The following MYO10 variants were observed in gnomAD, a reference collection of about 807,000 sequenced individuals.
MYO10 encodes the protein myosin X.
In MYO10, 133 loss-of-function variants were observed where a neutral mutation model predicts 257.3. That is an observed-to-expected ratio of 0.52 (90% CI 0.45 to 0.60). MYO10 has a LOEUF of 0.60. Ranked by LOEUF, MYO10 falls within the 20% of genes least tolerant of loss-of-function variation. MYO10 has a pLI of 0.00. For synonymous variants in MYO10, 1,104 were observed against 1,028.6 expected (o/e 1.07, Z -1.40); for missense variants, 2,399 against 2,635.7 (o/e 0.91, Z 1.97).
chr5:16,719,496 TCAAATA>T (rs1330856354), intron 19 of MYO10, among the ~76,000 whole-genome samples: 1 of 152,194 alleles, frequency 6.6e-6, no homozygotes, highest in Non-Finnish European at 1.5e-5. Flanking sequence ...ATAACAAATA[TCAAATA>T]CAGTGTGACA....
chr5:16,766,588 C>A (rs1230651177), intron 10 of MYO10, among the ~76,000 whole-genome samples: 2 of 151,886 alleles, frequency 1.3e-5, no homozygotes, highest in East Asian at 3.9e-4. Context: ...CGCTACCACG[C>A]CTGGCTAATT....
intron 1 of MYO10, among the ~76,000 whole-genome samples, chr5:16,922,630 C>T (rs923056451): frequency 2.6e-5 from 4 of 152,232 alleles, no homozygotes; most frequent in Admixed American, 6.5e-5. Context: ...CCATGGTCAC[C>T]GTCTTCAGGA....
At chr5:16,759,651 C>T (rs1740640249) in intron 17 of MYO10, among the ~76,000 whole-genome samples, 2 of 152,284 alleles carry the variant, frequency 1.3e-5, no homozygotes, top group Admixed American at 6.5e-5. Flanking sequence ...AACTCCACCT[C>T]GCTGGTCTCC....
rs142590373 is a variant in MYO10 at position 16,871,230 on chromosome 5, T to C, written c.120+6379A>G. On this transcript the variant is annotated intron_variant, in intron 2 of 40. Coordinates refer to ENST00000513610, the MANE Select transcript of MYO10 (RefSeq NM_012334.3). ...CAATATCTTAACATACCAAGCTGGG[T>C]CAAAATTAACCAATTTCCTTTAAAG... Among the ~76,000 whole-genome samples, 697 of 152,262 alleles carry C rather than the reference T, an allele frequency of 4.6e-3. 3 individuals are homozygous for C. Among genetic ancestry groups the C allele is most frequent in the African/African-American group, 0.016 (659 of 41,544 alleles).
At chr5:16,781,265 C>T (rs567496417) in intron 6 of MYO10, among the ~76,000 whole-genome samples, 5 of 151,732 alleles carry the variant, frequency 3.3e-5, no homozygotes, top group East Asian at 2.0e-4. Flanking sequence ...TTTTTAGTAT[C>T]GGTGGGGTTT....
At chr5:16,825,756 T>C (rs1418055701) in intron 2 of MYO10, among the ~76,000 whole-genome samples, 1 of 152,086 alleles carries the variant, frequency 6.6e-6, no homozygotes, top group Non-Finnish European at 1.5e-5. Context: ...GGCTGAGGCA[T>C]GAGAATTACT....
chr5:16,792,231 G>GT (rs1180681908), intron 4 of MYO10, among the ~76,000 whole-genome samples: 1 of 126,014 alleles, frequency 7.9e-6, no homozygotes, highest in Non-Finnish European at 1.9e-5. Context: ...ATCCCCATTT[G>GT]TTTAAAAAAA....
rs747865999 is a variant in MYO10 at position 16,762,654 on chromosome 5, A to G, written c.1495-17T>C. 5.1e-6 allele frequency: 8 copies of G among 1,555,650 alleles called. No homozygotes were observed. Among genetic ancestry groups the G allele is most frequent in the Admixed American group, 1.8e-5 (1 of 54,092 alleles). ...GCCAAGTTTCTAGAAGAAGAAAAAGAAAAAATGAATTAAAAGTTGAATGTG... is the reference window on the plus strand; with the variant it reads ...GCCAAGTTTCTAGAAGAAGAAAAAGGAAAAATGAATTAAAAGTTGAATGTG... On this transcript the variant is annotated splice_polypyrimidine_tract_variant and intron_variant, in intron 14 of 40. Coordinates refer to ENST00000513610, the MANE Select transcript of MYO10 (RefSeq NM_012334.3).
In MYO10 at chr5:16,794,633, T is replaced by A. The variant is rs751891172; in HGVS notation, c.467+13A>T. ...GGCCATGGGAAAGTCCGACTGGCTG[T>A]GAGCCCCGTTACCTGATGAGGATGC... On this transcript the variant is annotated intron_variant, in intron 4 of 40. Transcript: ENST00000513610. 1 of 1,597,494 alleles carries A rather than the reference T, an allele frequency of 6.3e-7. No individual in the cohort carries two copies. Among genetic ancestry groups the A allele is most frequent in the East Asian group, 2.3e-5 (1 of 44,298 alleles).
rs550921456 is a variant in MYO10, at chr5:16,876,497, G to A, written c.120+1112C>T. Among the ~76,000 whole-genome samples the A allele has an allele frequency of 2.6e-5, 4 of 152,214 alleles. No individual in the cohort carries two copies. The South Asian group carries it at 8.3e-4, about 32-fold the overall frequency. The stretch of plus-strand genomic sequence containing the variant: ...TCAGTCTTCTTCTTACAGTGATCAG[G>A]ACAACATTACCCTAAATTCTCAGTG... On this transcript the variant is annotated intron_variant, in intron 2 of 40. Coordinates refer to ENST00000513610, the MANE Select transcript of MYO10 (RefSeq NM_012334.3).
intron 21 of MYO10, among the ~76,000 whole-genome samples, chr5:16,705,292 A>T (rs1163976580): frequency 6.6e-6 from 1 of 152,256 alleles, no homozygotes; most frequent in Admixed American, 6.5e-5. Flanking sequence ...GAATTATTTC[A>T]GCTACATCTC....
chr5:16,878,316 T>C (rs535117787), intron 1 of MYO10, among the ~76,000 whole-genome samples: 9 of 152,310 alleles, frequency 5.9e-5, no homozygotes, highest in Non-Finnish European at 1.2e-4. Context: ...AACTGAAGTT[T>C]CTAATATTTA....
At chr5:16,873,523 G>A (rs62370989) in intron 2 of MYO10, among the ~76,000 whole-genome samples, 42,189 of 152,176 alleles carry the variant, frequency 0.28, 7,140 homozygotes, top group Non-Finnish European at 0.39. Context: ...TCCACTAGGC[G>A]GTACCCCAGT....
At chr5:16,723,823 TAC>T (rs1442409737) in intron 19 of MYO10, among the ~76,000 whole-genome samples, 1 of 152,222 alleles carries the variant, frequency 6.6e-6, no homozygotes, top group African/African-American at 2.4e-5. Context: ...CTCAAGTGCA[TAC>T]ATAGTGCTAG....
intron 3 of MYO10, among the ~76,000 whole-genome samples, chr5:16,813,502 G>A (rs1742505121): frequency 2.7e-5 from 4 of 150,812 alleles, no homozygotes; most frequent in African/African-American, 7.3e-5. Context: ...AGGGAACAGC[G>A]ATCATGTCAC....
At position 16,732,415 on chromosome 5, in the gene MYO10, G is replaced by A. The variant is rs562850839; in HGVS notation, c.1930-21170C>T. Among the ~76,000 whole-genome samples the A allele has an allele frequency of 7.9e-5, 12 of 152,212 alleles. No homozygotes were observed. In the South Asian group the frequency reaches 1.5e-3, roughly 18 times the overall value. On this transcript the variant is annotated intron_variant, in intron 19 of 40. Transcript: ENST00000513610. ...TGCCCTTTTATCTAGTGAACCTAAC[G>A]AAACCTTTTTATCTGGCTAAACTAA...
intron 6 of MYO10, among the ~76,000 whole-genome samples, chr5:16,781,093 T>C (rs2126669038): frequency 6.6e-6 from 1 of 152,248 alleles, no homozygotes; most frequent in East Asian, 1.9e-4. Context: ...TTTTTTTTTT[T>C]TTTTAACACA....
chr5:16,772,660 C>A (rs1304663391), intron 9 of MYO10, among the ~76,000 whole-genome samples: 1 of 152,134 alleles, frequency 6.6e-6, no homozygotes, highest in Non-Finnish European at 1.5e-5. Flanking sequence ...TCTATCATGT[C>A]TTTTAATGTT....
chr5:16,870,387 T>C (rs1171173834), intron 2 of MYO10, among the ~76,000 whole-genome samples: 3 of 151,420 alleles, frequency 2.0e-5, no homozygotes, highest in Non-Finnish European at 4.4e-5. Flanking sequence ...AAATCCTTAC[T>C]ACTCCAATGT....
Sources: allele counts gnomAD v4.1 joint callset (sites outside exome capture counted in the v4.1 genomes callset), GRCh38; gene constraint gnomAD v4.1.1; transcripts MANE v1.5; gene names NCBI Gene and HGNC (gene_info 2026-07-23, HGNC 2026-07-21).